Variants in GLRA1 observed in about 807,000 individuals in gnomAD.
GLRA1 encodes the protein glycine receptor alpha 1, also known as glycine receptor subunit alpha-1.
In GLRA1, 37 loss-of-function variants were observed where a neutral mutation model predicts 48.3. That is an observed-to-expected ratio of 0.77 (90% CI 0.59 to 1.01). The LOEUF (loss-of-function observed/expected upper bound fraction) is 1.01. Among genes scored for constraint, GLRA1 ranks in the 50% least tolerant of loss-of-function variants. The pLI is 0.00. For synonymous variants in GLRA1, 196 were observed against 210.7 expected (o/e 0.93, Z 0.60); for missense variants, 427 against 571.0 (o/e 0.75, Z 2.57).
intron 3 of GLRA1, among the ~76,000 whole-genome samples, chr5:151,880,438 A>G (rs1753732011): frequency 6.6e-6 from 1 of 152,188 alleles, no homozygotes; most frequent in Non-Finnish European, 1.5e-5. Flanking sequence ...AAACTTGTGG[A>G]CTGTAGTTGC....
intron 1 of GLRA1, among the ~76,000 whole-genome samples, chr5:151,896,969 G>A (rs1312346521): frequency 6.6e-6 from 1 of 152,154 alleles, no homozygotes; most frequent in African/African-American, 2.4e-5. Context: ...TTGGACAGGC[G>A]TTAGAGGCAT....
In GLRA1 at chr5:151,924,685, G is replaced by A; in HGVS notation, c.-136C>T. ...GGGAGGCGGGGAACAGGGGCGCGGAGGGAGAGCCCCAGGGGAAATTGGAGC... is the reference window on the plus strand; with the variant it reads ...GGGAGGCGGGGAACAGGGGCGCGGAAGGAGAGCCCCAGGGGAAATTGGAGC... On this transcript the variant is annotated 5_prime_UTR_variant, in exon 1 of 9. Coordinates refer to ENST00000274576, the MANE Select transcript of GLRA1 (RefSeq NM_000171.4). 1 of 743,610 alleles carries A rather than the reference G, an allele frequency of 1.3e-6. No individual in the cohort carries two copies. 46.1% of individuals were successfully genotyped at this position (743,610 alleles called of 1,614,324 possible).
rs564395108 is a variant in GLRA1 at position 151,858,688 on chromosome 5, A to G, written c.476+1097T>C. 5.9e-5 allele frequency among the ~76,000 whole-genome samples: 9 copies of G among 152,180 alleles called. No individual in the cohort carries two copies. The East Asian group carries it at 1.7e-3, about 29-fold the overall frequency. On this transcript the variant is annotated intron_variant, in intron 4 of 8. Coordinates refer to ENST00000274576, the MANE Select transcript of GLRA1 (RefSeq NM_000171.4). ...CTCCCCTACCCAGCCTGCTTTCAGG[A>G]AAGACCGAGTTCAGTCAAACCTGAG...
At chr5:151,860,353 G>T (rs1021958258) in intron 3 of GLRA1, among the ~76,000 whole-genome samples, 1 of 152,064 alleles carries the variant, frequency 6.6e-6, no homozygotes, top group Non-Finnish European at 1.5e-5. Flanking sequence ...TGTCATGTTT[G>T]CTTCATTTTT....
chr5:151,910,514 G>A (rs1754582850), intron 1 of GLRA1, among the ~76,000 whole-genome samples: 1 of 152,148 alleles, frequency 6.6e-6, no homozygotes, highest in African/African-American at 2.4e-5. Flanking sequence ...TGTACAGACT[G>A]TTTTGCTATT....
chr5:151,907,902 T>A (rs1020695040), intron 1 of GLRA1, among the ~76,000 whole-genome samples: 8 of 152,236 alleles, frequency 5.3e-5, no homozygotes, highest in African/African-American at 1.7e-4. Flanking sequence ...AATGCTGTAA[T>A]GTTGCAGTTG....
At chr5:151,922,206 G>C (rs1052082972) in intron 1 of GLRA1, among the ~76,000 whole-genome samples, 1 of 152,194 alleles carries the variant, frequency 6.6e-6, no homozygotes, top group Non-Finnish European at 1.5e-5. Flanking sequence ...CCCTGGGGAA[G>C]AAGGGTTTAT....
chr5:151,832,335 G>C (rs536863017), intron 7 of GLRA1, among the ~76,000 whole-genome samples: 1 of 152,262 alleles, frequency 6.6e-6, no homozygotes, highest in South Asian at 2.1e-4. Flanking sequence ...TCAGAAGGTG[G>C]GGAATAGCAA....
At chr5:151,835,495 G>A (rs1263640461) in intron 7 of GLRA1, among the ~76,000 whole-genome samples, 2 of 152,164 alleles carry the variant, frequency 1.3e-5, no homozygotes, top group Non-Finnish European at 2.9e-5. Flanking sequence ...AAACCTGGCA[G>A]AGACACAACA....
At chr5:151,894,037 A>G (rs1561575427) in intron 1 of GLRA1, among the ~76,000 whole-genome samples, 2 of 152,196 alleles carry the variant, frequency 1.3e-5, no homozygotes, top group East Asian at 3.9e-4. Context: ...GAGCTTTCCT[A>G]GTACTGAAAT....
At position 151,858,379 on chromosome 5, in the gene GLRA1, G is replaced by A. The variant is rs374364846; in HGVS notation, c.476+1406C>T. ...CACACTGGGTTAATTTCCTGAAGTC[G>A]AATGACCTTGGAAATGTCACTTTCT... On this transcript the variant is annotated intron_variant, in intron 4 of 8. Transcript: ENST00000274576. Among the ~76,000 whole-genome samples, 11 of 152,166 alleles carry A rather than the reference G, an allele frequency of 7.2e-5. No homozygotes were observed. The East Asian group carries it at 7.7e-4, about 11-fold the overall frequency.
At chr5:151,863,214 C>A (rs1260267718) in intron 3 of GLRA1, among the ~76,000 whole-genome samples, 2 of 152,108 alleles carry the variant, frequency 1.3e-5, no homozygotes, top group African/African-American at 4.8e-5. Flanking sequence ...ACTAGCCTGG[C>A]CAACATGATG....
At chr5:151,897,950 G>C (rs1379340878) in intron 1 of GLRA1, among the ~76,000 whole-genome samples, 1 of 152,118 alleles carries the variant, frequency 6.6e-6, no homozygotes, top group Admixed American at 6.5e-5. Flanking sequence ...TTTTGGTCAG[G>C]GGATTTGTCA....
chr5:151,860,064 T>A lies in GLRA1; in HGVS notation c.253-56A>T, dbSNP rs970190041. The stretch of plus-strand genomic sequence containing the variant: ...ATGTTAGGCCCAAGGACATCAACTT[T>A]TGGAGGACCTGGGTGCTTTTGGCCA... On this transcript the variant is annotated intron_variant, in intron 3 of 8. Transcript: ENST00000274576. 35 of 1,364,962 alleles carry A rather than the reference T, an allele frequency of 2.6e-5. No individual in the cohort carries two copies. The African/African-American group carries it at 4.4e-4, about 17-fold the overall frequency. 84.6% of individuals were successfully genotyped at this position (1,364,962 alleles called of 1,614,324 possible). A position where few individuals can be genotyped will look rare whatever the true frequency, so the allele number is the denominator to read the frequency against.
chr5:151,922,176 A>G (rs1487543113), intron 1 of GLRA1, among the ~76,000 whole-genome samples: 1 of 152,236 alleles, frequency 6.6e-6, no homozygotes, highest in African/African-American at 2.4e-5. Context: ...TGGATTGGCC[A>G]TTCCAACACA....
intron 1 of GLRA1, among the ~76,000 whole-genome samples, chr5:151,906,103 A>T (rs1203837835): frequency 6.6e-6 from 1 of 152,172 alleles, no homozygotes; most frequent in Non-Finnish European, 1.5e-5. Flanking sequence ...GATCTTAGGC[A>T]AGTCACTTAA....
intron 3 of GLRA1, among the ~76,000 whole-genome samples, chr5:151,863,282 G>A (rs1261960980): frequency 6.6e-6 from 1 of 151,952 alleles, no homozygotes; most frequent in Non-Finnish European, 1.5e-5. Context: ...CACATGTGAT[G>A]GCCTGTACAG....
In GLRA1 at chr5:151,834,215, A is replaced by G. The variant is rs140914013; in HGVS notation, c.913-5148T>C. On this transcript the variant is annotated intron_variant, in intron 7 of 8. Coordinates refer to ENST00000274576, the MANE Select transcript of GLRA1 (RefSeq NM_000171.4). ...TCACACTTATTCTAAAATTGACCAC[A>G]TAATTGGAAGTAAAACATTCCTCAG... 3.9e-5 allele frequency among the ~76,000 whole-genome samples: 6 copies of G among 152,342 alleles called. No homozygotes were observed. In the East Asian group the frequency reaches 1.2e-3, roughly 29 times the overall value.
chr5:151,869,801 A>C (rs938195813), intron 3 of GLRA1, among the ~76,000 whole-genome samples: 5 of 149,818 alleles, frequency 3.3e-5, no homozygotes, highest in Non-Finnish European at 7.4e-5. Context: ...TATTATACTT[A>C]TTTCACTGGA....
Sources: gnomAD v4.1 joint callset for allele counts (sites outside exome capture counted in the v4.1 genomes callset) on GRCh38, gnomAD v4.1.1 for gene constraint, MANE v1.5 for transcripts, NCBI Gene and HGNC (gene_info 2026-07-23, HGNC 2026-07-21) for gene names.